The following SYCP2 variants were observed in gnomAD, a reference collection of about 807,000 sequenced individuals.
SYCP2 encodes the protein synaptonemal complex lateral element protein.
Under a neutral mutation model 211.3 loss-of-function variants are expected in SYCP2, and 55 were observed. That is an observed-to-expected ratio of 0.26 (90% CI 0.21 to 0.33). The LOEUF is 0.33. Among genes scored for constraint, SYCP2 ranks in the 10% least tolerant of loss-of-function variants. SYCP2 has a pLI of 1.00. For missense variants in SYCP2, 1,731 were observed against 1,752.0 expected (o/e 0.99, Z 0.21); for synonymous variants, 570 against 555.2 (o/e 1.03, Z -0.37).
In SYCP2 at chr20:59,874,058, A is replaced by G. The variant is rs1046960538; in HGVS notation, c.3353T>C (p.Ile1118Thr). 8 of 1,566,170 alleles carry G rather than the reference A, an allele frequency of 5.1e-6. No individual in the cohort carries two copies. In the Admixed American group the frequency reaches 5.5e-5, roughly 11 times the overall value. The part of the protein sequence containing the change: ...SPSSIEVTRC[I>T]EKITEKDFTQ... ...AAAATCCTTTTCTGTTATTTTCTCT[A>G]TACCTATATTGCATCAAAATAAAAA... Residue 1118 changes from isoleucine to threonine, a missense_variant, in exon 35 of 45, where the codon ATA becomes ACA. Coordinates refer to ENST00000357552, the MANE Select transcript of SYCP2 (RefSeq NM_014258.4).
intron 18 of SYCP2, among the ~76,000 whole-genome samples, chr20:59,897,510 C>T (rs78218493): frequency 0.014 from 2,077 of 152,118 alleles, 58 homozygotes; most frequent in African/African-American, 0.047. Context: ...TGCTTAAGAC[C>T]TTTCCAAGAG....
chr20:59,875,600 C>T lies in SYCP2; in HGVS notation c.3151-131G>A, dbSNP rs921931265. The T allele has an allele frequency of 3.5e-5, 22 of 621,622 alleles. No individual in the cohort carries two copies. The African/African-American group carries it at 3.9e-4, about 11-fold the overall frequency. The allele number at this position is 621,622 out of a possible 1,614,324, so 38.5% of individuals were successfully genotyped here. ...CATACAGGCATAACAAGGACCTAGA[C>T]ATGAGTAGTGAAAGACTTTCTAATA... is the stretch of plus-strand genomic sequence containing the variant. On this transcript the variant is annotated intron_variant, in intron 33 of 44. Transcript: ENST00000357552.
In SYCP2 at chr20:59,900,923, C is replaced by A. The variant is rs2060104157; in HGVS notation, c.1183-105G>T. 3 of 846,594 alleles carry A rather than the reference C, an allele frequency of 3.5e-6. No individual in the cohort carries two copies. The East Asian group carries it at 8.0e-5, about 23-fold the overall frequency. 52.4% of individuals were successfully genotyped at this position (846,594 alleles called of 1,614,324 possible). ...AATGTAATTATTTCCTGTTTTCTTC[C>A]AAAATTGCCAAATATCCCAAATTAT... On this transcript the variant is annotated intron_variant, in intron 16 of 44. Transcript: ENST00000357552.
chr20:59,893,797 G>A (rs960827635), intron 20 of SYCP2, among the ~76,000 whole-genome samples: 4 of 151,924 alleles, frequency 2.6e-5, no homozygotes, highest in East Asian at 1.9e-4. Flanking sequence ...CACTGCAGAC[G>A]AGGCAGAATA....
intron 24 of SYCP2, among the ~76,000 whole-genome samples, chr20:59,887,203 C>CA (rs1425826459): frequency 6.6e-6 from 1 of 151,960 alleles, no homozygotes; most frequent in Non-Finnish European, 1.5e-5. Flanking sequence ...TTCCTGTGTC[C>CA]AAGTGTTCTC....
intron 21 of SYCP2, 22 bp downstream of exon 21, chr20:59,893,502 A>G: frequency 1.3e-6 from 2 of 1,533,834 alleles, no homozygotes; most frequent in Non-Finnish European, 1.8e-6. Flanking sequence ...AAAATGACTA[A>G]ATTAAACCAC....
At chr20:59,905,647 G>T (rs2060199960) in intron 15 of SYCP2, among the ~76,000 whole-genome samples, 2 of 152,142 alleles carry the variant, frequency 1.3e-5, no homozygotes, top group South Asian at 4.1e-4. Flanking sequence ...TTTTGGGGGT[G>T]ATATGTTTAT....
chr20:59,910,399 T>C (rs1240112983), intron 14 of SYCP2, among the ~76,000 whole-genome samples: 1 of 143,900 alleles, frequency 6.9e-6, no homozygotes, highest in Non-Finnish European at 1.5e-5. Flanking sequence ...TTTTTTTTTT[T>C]TGAGACAGTC....
Position 59,886,749 on chromosome 20 carries a change from T to G in SYCP2, c.2450A>C (p.Asp817Ala). The G allele has an allele frequency of 6.3e-7, 1 of 1,586,902 alleles. No individual in the cohort carries two copies. Reference sequence around the variant, plus strand: ...CTTTAATTTTCTTGTAGACTTGATGTCATCTTTTGTTTTGTATCTTTTATT... The same window carrying G: ...CTTTAATTTTCTTGTAGACTTGATGGCATCTTTTGTTTTGTATCTTTTATT... ...QINKRYKTKD[D>A]IKSTRKLKES... Residue 817 changes from aspartate (D) to alanine (A), a missense_variant, in exon 25 of 45, where the codon GAC becomes GCC. Around this residue, in one of 3 missense-constraint regions of SYCP2, gnomAD observed 1,387 missense variants for 1,351.3 expected, o/e 1.03. Coordinates refer to ENST00000357552, the MANE Select transcript of SYCP2 (RefSeq NM_014258.4).
In SYCP2 at chr20:59,900,138, C is replaced by T; in HGVS notation, c.1404G>A (p.Glu468=). The change falls in exon 18 of 45, where the codon GAG becomes GAA. Residue 468 remains glutamate (E), a splice_region_variant and synonymous_variant. Coordinates refer to ENST00000357552, the MANE Select transcript of SYCP2 (RefSeq NM_014258.4). The part of the protein sequence containing the change: ...DKGNRNNSQL[E]KTTPSKRKMS... ...GCCAGTATTTTGACACCATCTTTACCTCAAGCTGACTATTATTTCTATTCC... is the reference window on the plus strand; with the variant it reads ...GCCAGTATTTTGACACCATCTTTACTTCAAGCTGACTATTATTTCTATTCC... 1 of 1,612,848 alleles carries T rather than the reference C, an allele frequency of 6.2e-7. No individual in the cohort carries two copies. Among genetic ancestry groups the T allele is most frequent in the Non-Finnish European group, 8.5e-7 (1 of 1,179,266 alleles).
chr20:59,882,060 T>C, intron 27 of SYCP2, 35 bp downstream of exon 27: 1 of 1,607,222 alleles, frequency 6.2e-7, no homozygotes, highest in Non-Finnish European at 8.5e-7. Context: ...TCTTCAAATA[T>C]GAAGAAAATG....
chr20:59,867,601 C>A, intron 39 of SYCP2, 110 bp downstream of exon 39: 2 of 901,210 alleles, frequency 2.2e-6, no homozygotes, highest in Non-Finnish European at 3.3e-6. Flanking sequence ...AAGTTGGTTT[C>A]ATGAATGGAT....
At chr20:59,909,980 C>T (rs2060285495) in intron 14 of SYCP2, among the ~76,000 whole-genome samples, 1 of 152,060 alleles carries the variant, frequency 6.6e-6, no homozygotes, top group South Asian at 2.1e-4. Context: ...GAGGTCTATG[C>T]AGAAGAACTA....
chr20:59,913,184 A>G (rs974607988), intron 12 of SYCP2, among the ~76,000 whole-genome samples: 4 of 152,208 alleles, frequency 2.6e-5, no homozygotes, highest in African/African-American at 9.6e-5. Context: ...ACTATTTTAC[A>G]TAGTTAGCAT....
At chr20:59,895,394 T>C (rs780370769) in intron 20 of SYCP2, 43 bp downstream of exon 20, 1 of 1,534,328 alleles carries the variant, frequency 6.5e-7, no homozygotes, top group Admixed American at 2.0e-5. Flanking sequence ...TTTCCACAAT[T>C]ACTTGAAAAA....
intron 35 of SYCP2, among the ~76,000 whole-genome samples, chr20:59,872,279 T>C (rs1161247907): frequency 6.6e-6 from 1 of 151,948 alleles, no homozygotes; most frequent in Non-Finnish European, 1.5e-5. Context: ...TGCCATGAAA[T>C]CTCTGGCCAT....
At chr20:59,901,617 C>T (rs780171253) in intron 16 of SYCP2, 45 bp downstream of exon 16, 1 of 1,181,804 alleles carries the variant, frequency 8.5e-7, no homozygotes, top group Non-Finnish European at 1.2e-6. Context: ...AAACTGTTTC[C>T]AGAATTATGA....
Position 59,883,992 on chromosome 20 carries a change from T to C in SYCP2, c.2530-1827A>G, listed in dbSNP as rs529302128. Among the ~76,000 whole-genome samples, 8 of 152,172 alleles carry C rather than the reference T, an allele frequency of 5.3e-5. No homozygotes were observed. The South Asian group carries it at 1.7e-3, about 32-fold the overall frequency. On this transcript the variant is annotated intron_variant, in intron 26 of 44. Coordinates refer to ENST00000357552, the MANE Select transcript of SYCP2 (RefSeq NM_014258.4). ...TGTATATCATGTTATACACCTTAAA[T>C]ACATACAATAAAAAAACACTTCTTT... is the stretch of plus-strand genomic sequence containing the variant.
intron 12 of SYCP2, among the ~76,000 whole-genome samples, chr20:59,913,119 T>C (rs561076825): frequency 6.6e-6 from 1 of 152,342 alleles, no homozygotes; most frequent in South Asian, 2.1e-4. Context: ...TAAATAAGAA[T>C]ACAAGTGAAT....
Sources: gnomAD v4.1 joint callset for allele counts (sites outside exome capture counted in the v4.1 genomes callset) on GRCh38, gnomAD v4.1.1 for gene constraint, gnomAD v4.1.1 regional missense constraint, MANE v1.5 for transcripts, NCBI Gene and HGNC (gene_info 2026-07-23, HGNC 2026-07-21) for gene names.